Variants in OR6B1 observed in about 807,000 individuals in gnomAD.
The protein encoded by OR6B1 is olfactory receptor 6B1.
OR6B1 carries 15 observed loss-of-function variants against 15.4 expected under a neutral mutation model. The observed-to-expected ratio is 0.97, with a 90% CI of 0.65 to 1.50. The LOEUF (loss-of-function observed/expected upper bound fraction) is 1.50, where lower values mean the gene tolerates loss of function less well. Ranked by LOEUF, OR6B1 falls within the 40% of genes most tolerant of loss-of-function variation. OR6B1 has a pLI of 0.00. For synonymous variants in OR6B1, 139 were observed against 144.9 expected (o/e 0.96, Z 0.29); for missense variants, 384 against 385.0 (o/e 1.00, Z 0.02).
chr7:144,004,988 C>A lies in OR6B1; in HGVS notation c.*56C>A. 1.6e-6 allele frequency: 2 copies of A among 1,256,010 alleles called. No homozygotes were observed. Among genetic ancestry groups the A allele is most frequent in the East Asian group, 2.3e-5 (1 of 42,682 alleles). The allele number at this position is 1,256,010 out of a possible 1,614,324, so 77.8% of individuals were successfully genotyped here. A position where few individuals can be genotyped will look rare whatever the true frequency, so the allele number is the denominator to read the frequency against. ...GAGTGGGTGCCTGTATGTCTTCCTC[C>A]ATCCTTTCTCCTTTAACGACTCAGT... On this transcript the variant is annotated 3_prime_UTR_variant, in exon 2 of 2. Coordinates refer to ENST00000641698, the MANE Select transcript of OR6B1 (RefSeq NM_001005281.3).
In OR6B1 at chr7:144,004,281, A is replaced by T; in HGVS notation, c.285A>T (p.Thr95=). ...CTGTGAACAACAGCATCTCTTTCACACTCTGTATGATACAACTGTACTTCT... is the reference window on the plus strand; with the variant it reads ...CTGTGAACAACAGCATCTCTTTCACTCTCTGTATGATACAACTGTACTTCT... ...FWSVNNSISF[T]LCMIQLYFFI... is the part of the protein sequence containing the mutation. Residue 95 remains threonine (T), a synonymous_variant, in exon 2 of 2, where the codon ACA becomes ACT. Transcript: ENST00000641698. 1 of 1,613,928 alleles carries T rather than the reference A, an allele frequency of 6.2e-7. No individual in the cohort carries two copies. Among genetic ancestry groups the T allele is most frequent in the Non-Finnish European group, 8.5e-7 (1 of 1,179,992 alleles).
Position 144,005,273 on chromosome 7 carries a change from C to T in OR6B1, c.*341C>T. On this transcript the variant is annotated 3_prime_UTR_variant, in exon 2 of 2. Transcript: ENST00000641698. ...CTGCCATACACTAATAGCTCTGGGG[C>T]CAACAAAATAGGTGGTAGCTTCCTG... 1 of 183,422 alleles carries T rather than the reference C, an allele frequency of 5.5e-6. No homozygotes were observed. Among genetic ancestry groups the T allele is most frequent in the Admixed American group, 5.7e-5 (1 of 17,432 alleles). The allele number at this position is 183,422 out of a possible 1,614,324, so 11.4% of individuals were successfully genotyped here.
Position 144,004,839 on chromosome 7 carries a change from T to C in OR6B1, c.843T>C (p.Pro281=), listed in dbSNP as rs749927199. The change falls in exon 2 of 2, where the codon CCT becomes CCC. Residue 281 remains proline (P), a synonymous_variant. Transcript: ENST00000641698. ...CCATCTTCTATGCCATTGTCACTCC[T>C]TCTCTCAACCCTTTCATTTATTGCC... ...IISIFYAIVT[P]SLNPFIYCLR... The C allele has an allele frequency of 6.2e-7, 1 of 1,613,308 alleles. No individual in the cohort carries two copies. The highest frequency in any genetic ancestry group is 8.5e-7 in the Non-Finnish European group (1 of 1,180,036).
rs181763860 is a variant in OR6B1, at chr7:144,000,521, T to C, written c.-155T>C. 21 of 152,740 alleles carry C rather than the reference T, an allele frequency of 1.4e-4. No homozygotes were observed. The highest frequency in any genetic ancestry group is 5.1e-4 in the African/African-American group (21 of 41,568). The allele number at this position is 152,740 out of a possible 1,614,324, so 9.5% of individuals were successfully genotyped here. A position where few individuals can be genotyped will look rare whatever the true frequency, so the allele number is the denominator to read the frequency against. ...GGGGCAATCTGTACCCAGTCACTCTTTCTAGGTTTAGAAAGTGGGTTCCTC... is the reference window on the plus strand; with the variant it reads ...GGGGCAATCTGTACCCAGTCACTCTCTCTAGGTTTAGAAAGTGGGTTCCTC... On this transcript the variant is annotated 5_prime_UTR_variant, in exon 1 of 2. Transcript: ENST00000641698.
chr7:144,002,102 C>A (rs1335814924), intron 1 of OR6B1, among the ~76,000 whole-genome samples: 1 of 152,274 alleles, frequency 6.6e-6, no homozygotes, highest in Admixed American at 6.5e-5. Context: ...ATGTGATATT[C>A]TTCATCAGTG....
intron 1 of OR6B1, among the ~76,000 whole-genome samples, chr7:144,003,349 T>A (rs2050596553): frequency 6.6e-6 from 1 of 152,208 alleles, no homozygotes; most frequent in African/African-American, 2.4e-5. Context: ...GAAAACTCAA[T>A]CTCAGAGAGG....
chr7:144,004,631 T>C lies in OR6B1; in HGVS notation c.635T>C (p.Phe212Ser). The change falls in exon 2 of 2, where the codon TTT becomes TCT. Residue 212 changes from phenylalanine (F) to serine (S), a missense_variant. Physicochemically the swap from Phe to Ser is radical, Grantham distance 155. Coordinates refer to ENST00000641698, the MANE Select transcript of OR6B1 (RefSeq NM_001005281.3). ...LALVIFLFPL[F>S]ITVLSYGCIL... is the part of the protein sequence containing the mutation. ...CTGGTCATCTTCCTATTCCCACTCTTTATTACTGTCCTGTCCTACGGATGC... is the reference window on the plus strand; with the variant it reads ...CTGGTCATCTTCCTATTCCCACTCTCTATTACTGTCCTGTCCTACGGATGC... 6.2e-7 allele frequency: 1 copy of C among 1,614,202 alleles called. No individual in the cohort carries two copies.
In OR6B1 at chr7:144,004,274, C is replaced by A. The variant is rs1237045044; in HGVS notation, c.278C>A (p.Ser93Tyr). 6.2e-7 allele frequency: 1 copy of A among 1,614,102 alleles called. No homozygotes were observed. Among genetic ancestry groups the A allele is most frequent in the Non-Finnish European group, 8.5e-7 (1 of 1,180,046 alleles). Residue 93 changes from serine (S) to tyrosine (Y), a missense_variant, in exon 2 of 2, where the codon TCT becomes TAT. Ser to Tyr is a moderately radical substitution (Grantham distance 144). Coordinates refer to ENST00000641698, the MANE Select transcript of OR6B1 (RefSeq NM_001005281.3). ...FSFWSVNNSI[S>Y]FTLCMIQLYF... ...TTTTGGTCTGTGAACAACAGCATCT[C>A]TTTCACACTCTGTATGATACAACTG...
chr7:144,006,978 A>T lies in OR6B1; in HGVS notation c.*2046A>T, dbSNP rs1043479459. 4 of 152,208 alleles carry T rather than the reference A, an allele frequency of 2.6e-5. No homozygotes were observed. Among genetic ancestry groups the T allele is most frequent in the Non-Finnish European group, 5.9e-5 (4 of 68,032 alleles). 9.4% of individuals were successfully genotyped at this position (152,208 alleles called of 1,614,324 possible). A position where few individuals can be genotyped will look rare whatever the true frequency, so the allele number is the denominator to read the frequency against. On this transcript the variant is annotated 3_prime_UTR_variant, in exon 2 of 2. Coordinates refer to ENST00000641698, the MANE Select transcript of OR6B1 (RefSeq NM_001005281.3). ...CACTAGATTAGGGTTTGCATGGGAA[A>T]ACTGTTTGGGAAGGCTATGCTCTCT...
In OR6B1 at chr7:144,003,618, C is replaced by T. The variant is rs576153256; in HGVS notation, c.-25-354C>T. Among the ~76,000 whole-genome samples, 4 of 152,180 alleles carry T rather than the reference C, an allele frequency of 2.6e-5. No homozygotes were observed. In the South Asian group the frequency reaches 6.2e-4, roughly 24 times the overall value. On this transcript the variant is annotated intron_variant, in intron 1 of 1. Coordinates refer to ENST00000641698, the MANE Select transcript of OR6B1 (RefSeq NM_001005281.3). ...GGTCAGGTGTATCTTTTGGAATTGG[C>T]AATTGTTAGGTGTCAGATGGTGCAA...
chr7:144,004,064 T>C lies in OR6B1; in HGVS notation c.68T>C (p.Met23Thr). Residue 23 changes from methionine (M) to threonine (T), a missense_variant, in exon 2 of 2, where the codon ATG becomes ACG. Coordinates refer to ENST00000641698, the MANE Select transcript of OR6B1 (RefSeq NM_001005281.3). The stretch of plus-strand genomic sequence containing the variant: ...GTGGGATTCCCTGGGAGCTTGAGTA[T>C]GCGGGCAGCCATGTTTCTGATATTC... ...ILVGFPGSLS[M>T]RAAMFLIFLV... The C allele has an allele frequency of 6.2e-7, 1 of 1,614,086 alleles. No individual in the cohort carries two copies. The highest frequency in any genetic ancestry group is 8.5e-7 in the Non-Finnish European group (1 of 1,180,018).
rs765877165 is a variant in OR6B1, at chr7:144,006,225, G to A, written c.*1293G>A. The stretch of plus-strand genomic sequence containing the variant: ...TACAACCACAGACAGTGGGAGAGCA[G>A]AGGTCAAAGTCCCAGTTCCCTGAAT... On this transcript the variant is annotated 3_prime_UTR_variant, in exon 2 of 2. Transcript: ENST00000641698. 5 of 152,202 alleles carry A rather than the reference G, an allele frequency of 3.3e-5. No homozygotes were observed. Among genetic ancestry groups the A allele is most frequent in the Non-Finnish European group, 5.9e-5 (4 of 68,026 alleles). The allele number at this position is 152,202 out of a possible 1,614,324, so 9.4% of individuals were successfully genotyped here.
chr7:144,002,740 T>G (rs1337122564), intron 1 of OR6B1, among the ~76,000 whole-genome samples: 1 of 152,138 alleles, frequency 6.6e-6, no homozygotes, highest in Non-Finnish European at 1.5e-5. Context: ...TCCGACTGCT[T>G]TTAGACCACT....
intron 1 of OR6B1, among the ~76,000 whole-genome samples, chr7:144,001,448 T>C (rs2050584337): frequency 6.6e-6 from 1 of 152,206 alleles, no homozygotes. Flanking sequence ...GCTAGAATGA[T>C]TTTTCTCTTC....
rs2050641652 is a variant in OR6B1, at chr7:144,008,700, T to G, written c.*3768T>G. The G allele has an allele frequency of 6.6e-6, 1 of 152,460 alleles. No individual in the cohort carries two copies. Among genetic ancestry groups the G allele is most frequent in the African/African-American group, 2.4e-5 (1 of 41,430 alleles). The allele number at this position is 152,460 out of a possible 1,614,324, so 9.4% of individuals were successfully genotyped here. A position where few individuals can be genotyped will look rare whatever the true frequency, so the allele number is the denominator to read the frequency against. ...CTCTTGCCGCCATGTTAGATGTGCC[T>G]TCCTTCCCCTTCGCCTCCTGCCATG... On this transcript the variant is annotated 3_prime_UTR_variant, in exon 2 of 2. Coordinates refer to ENST00000641698, the MANE Select transcript of OR6B1 (RefSeq NM_001005281.3).
At position 144,006,120 on chromosome 7, in the gene OR6B1, CTTAA is replaced by C. The variant is rs1213331508; in HGVS notation, c.*1193_*1196del. On this transcript the variant is annotated 3_prime_UTR_variant, in exon 2 of 2. Coordinates refer to ENST00000641698, the MANE Select transcript of OR6B1 (RefSeq NM_001005281.3). The stretch of plus-strand genomic sequence containing the variant: ...CTTTCAAGAATGCTTTCTCTTTCTT[CTTAA>C]TTAAGAAACGTGAGGCAGAATTATT... 3 of 152,178 alleles carry C rather than the reference CTTAA, an allele frequency of 2.0e-5. No individual in the cohort carries two copies. The highest frequency in any genetic ancestry group is 7.2e-5 in the African/African-American group (3 of 41,454). 9.4% of individuals were successfully genotyped at this position (152,178 alleles called of 1,614,324 possible).
At position 144,001,343 on chromosome 7, in the gene OR6B1, T is replaced by C. The variant is rs375663559; in HGVS notation, c.-26+693T>C. On this transcript the variant is annotated intron_variant, in intron 1 of 1. Coordinates refer to ENST00000641698, the MANE Select transcript of OR6B1 (RefSeq NM_001005281.3). ...TGAGAAATAAGGAATTCTTTGTTTT[T>C]CTTGTAGAGCTTCCTCTAGAAGTGA... Among the ~76,000 whole-genome samples the C allele has an allele frequency of 2.6e-5, 4 of 152,362 alleles. No individual in the cohort carries two copies. The East Asian group carries it at 5.8e-4, about 22-fold the overall frequency.
chr7:144,003,790 C>CAT, intron 1 of OR6B1, 182 bp from the exon 2 acceptor site: 1 of 579,624 alleles, frequency 1.7e-6, no homozygotes, highest in Non-Finnish European at 3.0e-6. Context: ...CACACACACA[C>CAT]ACACACACAC....
chr7:144,004,797 C>A lies in OR6B1; in HGVS notation c.801C>A (p.Asn267Lys), dbSNP rs369554071. ...YARPRVIHAF[N>K]MNKIISIFYA... ...GACCTCGAGTTATCCATGCCTTCAA[C>A]ATGAACAAAATTATTTCCATCTTCT... Residue 267 changes from asparagine to lysine, a missense_variant, in exon 2 of 2, where the codon AAC (asparagine) becomes AAA (lysine). Coordinates refer to ENST00000641698, the MANE Select transcript of OR6B1 (RefSeq NM_001005281.3). 164 of 1,614,082 alleles carry A rather than the reference C, an allele frequency of 1.0e-4. 1 individual carries two copies. Among genetic ancestry groups the A allele is most frequent in the Non-Finnish European group, 1.3e-4 (153 of 1,179,998 alleles).
Sources: gnomAD v4.1 joint callset for allele counts (sites outside exome capture counted in the v4.1 genomes callset) on GRCh38, gnomAD v4.1.1 for gene constraint, MANE v1.5 for transcripts, NCBI Gene and HGNC (gene_info 2026-07-23, HGNC 2026-07-21) for gene names.